Variants in RBFOX1 observed in about 807,000 individuals in gnomAD.
The protein encoded by RBFOX1 is RNA binding protein fox-1 homolog 1.
A neutral mutation model predicts 57.7 loss-of-function variants in RBFOX1; 8 were observed. The observed-to-expected ratio is 0.14, with a 90% CI of 0.08 to 0.25. The LOEUF (loss-of-function observed/expected upper bound fraction) is 0.25. Among genes scored for constraint, RBFOX1 ranks in the 10% least tolerant of loss-of-function variants. RBFOX1 has a pLI of 1.00. For missense variants in RBFOX1, 611 were observed against 548.5 expected, an observed-to-expected ratio of 1.11 and a Z score of -1.14; for synonymous variants, 326 against 222.4, an observed-to-expected ratio of 1.47 and a Z score of -4.15.
intron 1 of RBFOX1, among the ~76,000 whole-genome samples, chr16:5,306,266 A>T (rs1190677246): frequency 6.6e-6 from 1 of 152,214 alleles, no homozygotes; most frequent in African/African-American, 2.4e-5. Flanking sequence ...GATTTGGATA[A>T]CAGTCCCTAC....
At chr16:5,638,270 C>T (rs2151322149) in intron 3 of RBFOX1, among the ~76,000 whole-genome samples, 1 of 152,250 alleles carries the variant, frequency 6.6e-6, no homozygotes, top group South Asian at 2.1e-4. Flanking sequence ...GGTGGAAGAG[C>T]CTGGGGTCCA....
At chr16:7,316,892 C>T (rs972610489) in intron 4 of RBFOX1, among the ~76,000 whole-genome samples, 8 of 150,972 alleles carry the variant, frequency 5.3e-5, no homozygotes, top group African/African-American at 2.0e-4. Flanking sequence ...CACATAAGGG[C>T]CAGAGACGAC....
intron 4 of RBFOX1, among the ~76,000 whole-genome samples, chr16:7,418,722 A>G (rs549107799): frequency 6.6e-6 from 1 of 152,192 alleles, no homozygotes; most frequent in African/African-American, 2.4e-5. Context: ...GCTCTCTAGA[A>G]CTAATACTTT....
chr16:6,804,549 A>T (rs1191689351), intron 3 of RBFOX1, among the ~76,000 whole-genome samples: 1 of 152,136 alleles, frequency 6.6e-6, no homozygotes, highest in Non-Finnish European at 1.5e-5. Flanking sequence ...ATTGGACTCT[A>T]AATATTGTAT....
chr16:7,709,693 C>G, intron 15 of RBFOX1: 2 of 1,310,060 alleles, frequency 1.5e-6, no homozygotes, highest in Admixed American at 6.6e-5. Context: ...TAGAAGGAAT[C>G]AGCTGGGTTT....
chr16:5,388,250 T>C (rs2066308430), intron 1 of RBFOX1, among the ~76,000 whole-genome samples: 1 of 152,188 alleles, frequency 6.6e-6, no homozygotes. Flanking sequence ...ACCGTGCTTC[T>C]AGAACACATC....
chr16:5,255,609 C>T (rs912291368), intron 1 of RBFOX1, among the ~76,000 whole-genome samples: 3 of 151,862 alleles, frequency 2.0e-5, no homozygotes, highest in African/African-American at 4.8e-5. Context: ...CCCACTCATC[C>T]ATTTCTCCAC....
At chr16:6,463,382 G>A (rs1597604055) in intron 2 of RBFOX1, among the ~76,000 whole-genome samples, 1 of 152,110 alleles carries the variant, frequency 6.6e-6, no homozygotes, top group East Asian at 1.9e-4. Flanking sequence ...AAAGAGTTTT[G>A]CCTACTAATA....
chr16:6,284,716 C>G (rs754617756), intron 1 of RBFOX1, among the ~76,000 whole-genome samples: 1 of 152,030 alleles, frequency 6.6e-6, no homozygotes, highest in Middle Eastern at 3.2e-3. Flanking sequence ...GCAGAATACC[C>G]CTGACCTTGT....
chr16:6,898,373 T>C (rs1164547162), intron 3 of RBFOX1, among the ~76,000 whole-genome samples: 9 of 152,088 alleles, frequency 5.9e-5, no homozygotes, highest in African/African-American at 2.2e-4. Flanking sequence ...GGCTAAAGAA[T>C]GTGGAGGGTA....
At chr16:7,504,497 C>T (rs1465287874) in intron 4 of RBFOX1, among the ~76,000 whole-genome samples, 1 of 150,412 alleles carries the variant, frequency 6.6e-6, no homozygotes, top group Non-Finnish European at 1.5e-5. Flanking sequence ...GTGAATTGTT[C>T]CACCATAACT....
chr16:6,689,937 A>T lies in RBFOX1; in HGVS notation c.-16+35287A>T, dbSNP rs892622084. Among the ~76,000 whole-genome samples, 5 of 152,202 alleles carry T rather than the reference A, an allele frequency of 3.3e-5. No homozygotes were observed. In the East Asian group the frequency reaches 9.6e-4, roughly 29 times the overall value. On this transcript the variant is annotated intron_variant, in intron 3 of 15. Transcript: ENST00000550418. ...TGTCAATTGAGAATCAGCAACGAAGAGGTGTAAGAGTTGACTGTTCCCCAG... is the reference window on the plus strand; with the variant it reads ...TGTCAATTGAGAATCAGCAACGAAGTGGTGTAAGAGTTGACTGTTCCCCAG...
intron 4 of RBFOX1, among the ~76,000 whole-genome samples, chr16:7,290,342 T>C (rs1037556445): frequency 6.6e-6 from 1 of 152,196 alleles, no homozygotes; most frequent in Non-Finnish European, 1.5e-5. Context: ...TTGCCTGCTA[T>C]TGAGAAGATG....
At chr16:7,199,052 A>G (rs183599652) in intron 4 of RBFOX1, among the ~76,000 whole-genome samples, 3 of 152,154 alleles carry the variant, frequency 2.0e-5, no homozygotes, top group Non-Finnish European at 4.4e-5. Flanking sequence ...GGGACAAGGG[A>G]AGTAAGAATA....
intron 1 of RBFOX1, among the ~76,000 whole-genome samples, chr16:6,143,330 G>A (rs956143157): frequency 2.6e-5 from 4 of 152,200 alleles, no homozygotes; most frequent in African/African-American, 9.6e-5. Context: ...ATGGGTTTGT[G>A]TACCAGATGA....
intron 2 of RBFOX1, among the ~76,000 whole-genome samples, chr16:5,589,179 C>T (rs2046928119): frequency 6.6e-6 from 1 of 152,130 alleles, no homozygotes; most frequent in Non-Finnish European, 1.5e-5. Flanking sequence ...AAGCTGTTGG[C>T]CCCTATCTGC....
intron 2 of RBFOX1, among the ~76,000 whole-genome samples, chr16:6,454,580 AAAAC>A (rs2094713222): frequency 6.6e-6 from 1 of 152,184 alleles, no homozygotes; most frequent in Admixed American, 6.5e-5. Flanking sequence ...ACAAAAAATG[AAAAC>A]AAACAAAAAA....
chr16:6,088,635 T>C (rs1339241131), intron 1 of RBFOX1, among the ~76,000 whole-genome samples: 1 of 152,134 alleles, frequency 6.6e-6, no homozygotes, highest in Non-Finnish European at 1.5e-5. Flanking sequence ...GTGGAATGCT[T>C]TCCTTCTGAG....
At chr16:6,544,165 C>A (rs1160132965) in intron 2 of RBFOX1, among the ~76,000 whole-genome samples, 1 of 152,166 alleles carries the variant, frequency 6.6e-6, no homozygotes, top group Non-Finnish European at 1.5e-5. Flanking sequence ...TTCCACGGTG[C>A]TCATCCCAGG....
Sources: gnomAD v4.1 joint callset for allele counts (sites outside exome capture counted in the v4.1 genomes callset) on GRCh38, gnomAD v4.1.1 for gene constraint, MANE v1.5 for transcripts, NCBI Gene and HGNC (gene_info 2026-07-23, HGNC 2026-07-21) for gene names.